The following PDE4D variants were observed in gnomAD, a reference collection of about 807,000 sequenced individuals.
The protein encoded by PDE4D is phosphodiesterase 4D.
Under a neutral mutation model 87.4 loss-of-function variants are expected in PDE4D, and 24 were observed. The ratio of observed to expected loss-of-function variants is 0.27; its 90% CI spans 0.20 to 0.39. PDE4D has a LOEUF of 0.39. Among genes scored for constraint, PDE4D ranks in the 10% least tolerant of loss-of-function variants. The probability of loss-of-function intolerance (pLI) is 1.00; values close to 1 mark genes in which losing one functional copy is unlikely to be tolerated. For synonymous variants in PDE4D, 384 were observed against 383.2 expected (o/e 1.00, Z -0.02); for missense variants, 714 against 1,041.0 (o/e 0.69, Z 4.32).
intron 5 of PDE4D, among the ~76,000 whole-genome samples, chr5:59,131,871 G>A (rs150815365): frequency 3.9e-5 from 6 of 152,224 alleles, no homozygotes; most frequent in East Asian, 1.9e-4. Context: ...TCCAAAGTCT[G>A]GGAACCATTG....
chr5:59,768,153 G>GTCC, intron 1 of PDE4D: 1 of 1,426,868 alleles, frequency 7.0e-7, no homozygotes, highest in Non-Finnish European at 9.5e-7. Context: ...AATGATGATG[G>GTCC]TCCTCCCTCC....
chr5:59,251,695 T>G (rs1319047169), intron 1 of PDE4D, among the ~76,000 whole-genome samples: 2 of 152,122 alleles, frequency 1.3e-5, no homozygotes, highest in Admixed American at 1.3e-4. Flanking sequence ...CAGAGGAATA[T>G]AAATCATTCT....
intron 1 of PDE4D, among the ~76,000 whole-genome samples, chr5:59,673,696 AATG>A (rs1202579749): frequency 7.9e-5 from 12 of 152,318 alleles, no homozygotes; most frequent in African/African-American, 2.6e-4. Context: ...TCTGTATTAA[AATG>A]ATGAGTTGGC....
rs578210295 is a variant in PDE4D, at chr5:60,448,231, A to G, written c.-90+39711T>C. ...GATGATAAAGGCATCCTCTCCATAC[A>G]TTAAACCATATGTGACTTTATATTT... On this transcript the variant is annotated intron_variant, in intron 1 of 16. Transcript: ENST00000502484. Among the ~76,000 whole-genome samples the G allele has an allele frequency of 3.9e-5, 6 of 152,272 alleles. No individual in the cohort carries two copies. In the South Asian group the frequency reaches 1.0e-3, roughly 26 times the overall value.
At chr5:59,558,641 G>A (rs937636359) in intron 1 of PDE4D, 8 of 152,024 alleles carry the variant, frequency 5.3e-5, no homozygotes, top group African/African-American at 1.9e-4. Context: ...GAAAACTGAA[G>A]GTGTTAAAAA....
At chr5:59,950,197 GA>G (rs1758149728) in intron 3 of PDE4D, among the ~76,000 whole-genome samples, 1 of 151,898 alleles carries the variant, frequency 6.6e-6, no homozygotes, top group Non-Finnish European at 1.5e-5. Context: ...AGTGTCTTTG[GA>G]AAAAAGCCAT....
intron 1 of PDE4D, among the ~76,000 whole-genome samples, chr5:59,331,674 G>A (rs1048927200): frequency 6.6e-6 from 1 of 152,150 alleles, no homozygotes; most frequent in African/African-American, 2.4e-5. Context: ...CACAGCCACA[G>A]AGCCATCCTT....
At chr5:59,301,461 G>A (rs1021758654) in intron 1 of PDE4D, among the ~76,000 whole-genome samples, 10 of 152,092 alleles carry the variant, frequency 6.6e-5, no homozygotes, top group African/African-American at 2.2e-4. Context: ...ATATTTTAAC[G>A]TGTAGAGATG....
chr5:59,872,286 C>T (rs1181667301), intron 1 of PDE4D, among the ~76,000 whole-genome samples: 1 of 140,206 alleles, frequency 7.1e-6, no homozygotes, highest in African/African-American at 3.2e-5. Context: ...CACACACACA[C>T]ACACACACAC....
intron 1 of PDE4D, among the ~76,000 whole-genome samples, chr5:60,386,941 TTGC>T (rs202106680): frequency 0.018 from 2,722 of 152,296 alleles, 72 homozygotes; most frequent in African/African-American, 0.063. Context: ...AGAAACTAAA[TTGC>T]CTTCAGTCCA....
intron 1 of PDE4D, among the ~76,000 whole-genome samples, chr5:59,692,737 C>A (rs1437797071): frequency 6.6e-6 from 1 of 152,086 alleles, no homozygotes; most frequent in Non-Finnish European, 1.5e-5. Context: ...TAGCTTGTTT[C>A]TGTAGCATTT....
intron 1 of PDE4D, among the ~76,000 whole-genome samples, chr5:59,253,610 A>T (rs115215213): frequency 6.6e-6 from 1 of 152,162 alleles, no homozygotes; most frequent in African/African-American, 2.4e-5. Flanking sequence ...AACTCTAAGT[A>T]AAGTCTGTTT....
chr5:60,410,816 T>C (rs1276349158), intron 1 of PDE4D, among the ~76,000 whole-genome samples: 1 of 152,242 alleles, frequency 6.6e-6, no homozygotes, highest in African/African-American at 2.4e-5. Context: ...ATACAGGCTC[T>C]GTGATAATAT....
At chr5:59,175,417 A>C (rs1419802277) in intron 5 of PDE4D, among the ~76,000 whole-genome samples, 1 of 151,740 alleles carries the variant, frequency 6.6e-6, no homozygotes, top group Non-Finnish European at 1.5e-5. Flanking sequence ...GGGTTATAGG[A>C]AGAAACACTT....
chr5:60,194,733 A>G (rs1741004199), intron 1 of PDE4D, among the ~76,000 whole-genome samples: 1 of 151,642 alleles, frequency 6.6e-6, no homozygotes, highest in Admixed American at 6.6e-5. Flanking sequence ...CCCGCCACAT[A>G]CATATCTCAT....
In PDE4D at chr5:60,241,271, C is replaced by CTTT. The variant is rs371953042; in HGVS notation, c.-89-55587_-89-55585dup. 8.8e-4 allele frequency among the ~76,000 whole-genome samples: 85 copies of CTTT among 96,946 alleles called. 1 individual carries two copies. Among genetic ancestry groups the CTTT allele is most frequent in the East Asian group, 3.4e-3 (10 of 2,976 alleles). 63.6% of individuals were successfully genotyped at this position (96,946 alleles called of 152,430 possible). ...CATCAGAGTCTCTCTCTCTCTCTCT[C>CTTT]TTTTTTTTTTTTTTTTTTTTCAGAT... On this transcript the variant is annotated intron_variant, in intron 1 of 16. Transcript: ENST00000502484.
chr5:60,332,836 C>T lies in PDE4D; in HGVS notation c.-89-147149G>A, dbSNP rs79849768. On this transcript the variant is annotated intron_variant, in intron 1 of 16. Coordinates refer to the PDE4D transcript ENST00000502484. The stretch of plus-strand genomic sequence containing the variant: ...TCTCTGTCAAGGAGACATGATTCAT[C>T]GAAAAGTCAGAAGCAGAAGAGTCAA... Among the ~76,000 whole-genome samples, 400 of 152,198 alleles carry T rather than the reference C, an allele frequency of 2.6e-3. 7 individuals carry two copies. The East Asian group carries it at 0.036, about 14-fold the overall frequency.
intron 1 of PDE4D, among the ~76,000 whole-genome samples, chr5:59,368,151 A>G (rs1288888981): frequency 6.6e-6 from 1 of 152,228 alleles, no homozygotes; most frequent in Non-Finnish European, 1.5e-5. Context: ...CGAATTCTCT[A>G]TTATTAAATG....
intron 1 of PDE4D, among the ~76,000 whole-genome samples, chr5:59,783,629 T>C (rs968317971): frequency 6.6e-6 from 1 of 152,240 alleles, no homozygotes; most frequent in Non-Finnish European, 1.5e-5. Flanking sequence ...AACATTTATT[T>C]CATTTGAAAG....
Sources: gnomAD v4.1 joint callset for allele counts (sites outside exome capture counted in the v4.1 genomes callset) on GRCh38, gnomAD v4.1.1 for gene constraint, MANE v1.5 for transcripts, NCBI Gene and HGNC (gene_info 2026-07-23, HGNC 2026-07-21) for gene names.